Variants in SLC41A3 observed in about 807,000 individuals in gnomAD.
SLC41A3 encodes solute carrier family 41 member 3, also known as SLC41A1-like 2.
A neutral mutation model predicts 45.4 loss-of-function variants in SLC41A3; 44 were observed. The ratio of observed to expected loss-of-function variants is 0.97; its 90% CI spans 0.76 to 1.25. The LOEUF is 1.25. Among genes scored for constraint, SLC41A3 ranks in the 50% most tolerant of loss-of-function variants. The probability of loss-of-function intolerance (pLI) is 0.00; values close to 1 mark genes in which losing one functional copy is unlikely to be tolerated. For missense variants in SLC41A3, 550 were observed against 600.6 expected (o/e 0.92, Z 0.88); for synonymous variants, 256 against 252.4 (o/e 1.01, Z -0.13).
intron 3 of SLC41A3, among the ~76,000 whole-genome samples, chr3:126,038,911 A>G (rs1942392029): frequency 6.6e-6 from 1 of 152,102 alleles, no homozygotes; most frequent in Non-Finnish European, 1.5e-5. Flanking sequence ...TGGATCCTTC[A>G]TGATTGGCTG....
At chr3:126,035,112 G>T (rs925495503) in intron 3 of SLC41A3, among the ~76,000 whole-genome samples, 1 of 152,204 alleles carries the variant, frequency 6.6e-6, no homozygotes, top group African/African-American at 2.4e-5. Flanking sequence ...GAGAGGGGAA[G>T]AAGTATGGCA....
rs1409043795 is a variant in SLC41A3 at position 126,067,941 on chromosome 3, T to C, written c.273+6A>G. ...CGCTCCCTGTCCCCATTTAGTTCCC[T>C]CTTACCTGGAAATAGTCCAGAAGCA... On this transcript the variant is annotated splice_donor_region_variant and intron_variant, in intron 2 of 10. Transcript: ENST00000360370. The C allele has an allele frequency of 6.3e-7, 1 of 1,584,552 alleles. No individual in the cohort carries two copies. The highest frequency in any genetic ancestry group is 1.3e-5 in the African/African-American group (1 of 74,118).
At chr3:126,075,010 A>G (rs973094971) in intron 1 of SLC41A3, among the ~76,000 whole-genome samples, 4 of 150,896 alleles carry the variant, frequency 2.7e-5, no homozygotes, top group Non-Finnish European at 4.4e-5. Context: ...GGGTCTTGCT[A>G]TGTTGCCCAG....
At chr3:126,055,338 C>T (rs1469902141) in intron 2 of SLC41A3, among the ~76,000 whole-genome samples, 4 of 152,146 alleles carry the variant, frequency 2.6e-5, no homozygotes, top group Non-Finnish European at 5.9e-5. Context: ...CATGGTGAAA[C>T]CCCGTCTCTA....
In SLC41A3 at chr3:126,026,521, C is replaced by A. The variant is rs7646691; in HGVS notation, c.454-42G>T. ...AGAAGCATGAAGGGGGGCCCCGGGG[C>A]CACAGCCACACTCCCTGCCCTTCAC... On this transcript the variant is annotated intron_variant, in intron 4 of 10. Transcript: ENST00000360370. This position sits in a 1 kb window ranked among gnomAD's most constrained non-coding sequence, Gnocchi z 4.2. 18,257 of 1,584,196 alleles carry A rather than the reference C, an allele frequency of 0.012. 1,392 individuals carry two copies. The African/African-American group carries it at 0.18, about 16-fold the overall frequency.
intron 9 of SLC41A3, among the ~76,000 whole-genome samples, chr3:126,012,069 T>C (rs1413650828): frequency 6.6e-6 from 1 of 152,198 alleles, no homozygotes; most frequent in Non-Finnish European, 1.5e-5. Flanking sequence ...TCCCCTCCTG[T>C]CCATTCAGCT....
intron 3 of SLC41A3, among the ~76,000 whole-genome samples, chr3:126,043,993 A>G (rs1942776711): frequency 2.0e-5 from 3 of 152,208 alleles, no homozygotes; most frequent in African/African-American, 7.2e-5. Context: ...AAAAACTAGC[A>G]GAATGGATTA....
At chr3:126,039,280 C>T (rs893687303) in intron 3 of SLC41A3, among the ~76,000 whole-genome samples, 1 of 152,188 alleles carries the variant, frequency 6.6e-6, no homozygotes, top group Non-Finnish European at 1.5e-5. Flanking sequence ...TCATATGTCC[C>T]CAGTTTTCTC....
At chr3:126,056,257 C>CT (rs2107931295) in intron 2 of SLC41A3, 1 of 1,454,352 alleles carries the variant, frequency 6.9e-7, no homozygotes, top group Non-Finnish European at 9.3e-7. Flanking sequence ...TGCCCTCCCA[C>CT]TGTAGAGGCC....
intron 2 of SLC41A3, among the ~76,000 whole-genome samples, chr3:126,051,448 C>T (rs899897957): frequency 4.6e-5 from 7 of 152,012 alleles, no homozygotes; most frequent in Non-Finnish European, 1.0e-4. Context: ...CTGACTCTAC[C>T]GGGGATCAAC....
chr3:126,050,025 T>G (rs1224706520), intron 3 of SLC41A3, among the ~76,000 whole-genome samples: 1 of 152,230 alleles, frequency 6.6e-6, no homozygotes, highest in African/African-American at 2.4e-5. Context: ...TAAGGACCCC[T>G]GTGGTTACAC....
chr3:126,011,697 C>A (rs1383567460), intron 9 of SLC41A3, among the ~76,000 whole-genome samples: 1 of 152,126 alleles, frequency 6.6e-6, no homozygotes, highest in Admixed American at 6.5e-5. Flanking sequence ...AGAAATGGCA[C>A]CATACCTATA....
intron 2 of SLC41A3, among the ~76,000 whole-genome samples, chr3:126,051,348 A>G (rs1433840382): frequency 1.3e-5 from 2 of 152,232 alleles, no homozygotes; most frequent in African/African-American, 4.8e-5. Flanking sequence ...CTCTAGAGGC[A>G]TGCACAGGTC....
intron 2 of SLC41A3, chr3:126,056,573 T>A: frequency 6.2e-7 from 1 of 1,609,624 alleles, no homozygotes; most frequent in Non-Finnish European, 8.5e-7. Context: ...TGCACCACGA[T>A]CCCAGGAGCA....
intron 3 of SLC41A3, among the ~76,000 whole-genome samples, chr3:126,038,152 C>G (rs553538824): frequency 2.7e-3 from 411 of 152,314 alleles, no homozygotes; most frequent in Non-Finnish European, 4.5e-3. Context: ...GCCTGGGTGC[C>G]CAGATAGAAG....
intron 9 of SLC41A3, among the ~76,000 whole-genome samples, chr3:126,010,309 C>T (rs1329497843): frequency 1.3e-5 from 2 of 152,218 alleles, no homozygotes; most frequent in East Asian, 3.8e-4. Context: ...CCTGTCTCTA[C>T]TAAAAATACA....
At chr3:126,067,820 A>G (rs1944426876) in intron 2 of SLC41A3, 127 bp downstream of exon 2, 16 of 1,021,482 alleles carry the variant, frequency 1.6e-5, no homozygotes, top group Non-Finnish European at 2.1e-5. Context: ...CAATATATAG[A>G]AAAAAAAAAT....
At chr3:126,009,545 AAT>A (rs1428267100) in intron 9 of SLC41A3, among the ~76,000 whole-genome samples, 11 of 152,334 alleles carry the variant, frequency 7.2e-5, no homozygotes, top group African/African-American at 2.6e-4. Context: ...TTCTAACATG[AAT>A]ATGATTGATT....
At chr3:126,069,558 A>AC (rs1944519201) in intron 1 of SLC41A3, among the ~76,000 whole-genome samples, 1 of 152,234 alleles carries the variant, frequency 6.6e-6, no homozygotes. Context: ...ATATACTGTT[A>AC]AAGGTCTAGT....
Sources: gnomAD v4.1 joint callset for allele counts (sites outside exome capture counted in the v4.1 genomes callset) on GRCh38, gnomAD v4.1.1 for gene constraint, Gnocchi (gnomAD v3.1) non-coding constraint, MANE v1.5 for transcripts, NCBI Gene and HGNC (gene_info 2026-07-23, HGNC 2026-07-21) for gene names.